TPCN2: variants seen among roughly 807,000 people sequenced by gnomAD.
The protein encoded by TPCN2 is two pore channel protein 2.
In TPCN2, 92 loss-of-function variants were observed where a neutral mutation model predicts 111.4. The observed-to-expected ratio is 0.83, with a 90% CI of 0.70 to 0.98. The LOEUF is 0.98. TPCN2 is among the 50% of genes least tolerant of loss of function. The pLI, the probability that TPCN2 is intolerant of heterozygous loss-of-function variation, is 0.00. For missense variants in TPCN2, 995 were observed against 980.1 expected (o/e 1.02, Z -0.20); for synonymous variants, 405 against 414.5 (o/e 0.98, Z 0.28).
intron 24 of TPCN2, 38 bp downstream of exon 24, chr11:69,087,244 G>T: frequency 6.3e-7 from 1 of 1,592,946 alleles, no homozygotes; most frequent in Admixed American, 1.7e-5. Context: ...CTGGCCCCCT[G>T]GGATGGGAAG....
chr11:69,086,868 G>GT (rs71043499), intron 23 of TPCN2, among the ~76,000 whole-genome samples: 30 of 150,382 alleles, frequency 2.0e-4, no homozygotes, highest in Non-Finnish European at 3.5e-4. Flanking sequence ...CTGGGGCCTT[G>GT]GGGGGTGCTC....
chr11:69,079,501 T>G, intron 16 of TPCN2: 1 of 300,576 alleles, frequency 3.3e-6, no homozygotes, highest in Non-Finnish European at 6.2e-6. Flanking sequence ...CACATGAGAG[T>G]GACGTTTGCT....
intron 7 of TPCN2, among the ~76,000 whole-genome samples, chr11:69,066,114 G>A (rs1346413420): frequency 6.6e-6 from 1 of 152,106 alleles, no homozygotes; most frequent in African/African-American, 2.4e-5. Flanking sequence ...CAGCTGGCTC[G>A]AAGCCTGGCC....
chr11:69,072,521 C>A, intron 11 of TPCN2, 106 bp from the exon 12 acceptor site: 1 of 1,141,992 alleles, frequency 8.8e-7, no homozygotes, highest in Non-Finnish European at 1.3e-6. Context: ...TGCAAAGTGG[C>A]TTCATGGCAA....
chr11:69,054,799 T>G lies in TPCN2; in HGVS notation c.251+2T>G, dbSNP rs1182907011. 6.2e-7 allele frequency: 1 copy of G among 1,613,676 alleles called. No homozygotes were observed. The highest frequency in any genetic ancestry group is 8.5e-7 in the Non-Finnish European group (1 of 1,179,854). ...GTATTACTCGAACGTATGCCAACGGTGAGAACGCACCCATGTGGAACTCAG... is the reference window on the plus strand; with the variant it reads ...GTATTACTCGAACGTATGCCAACGGGGAGAACGCACCCATGTGGAACTCAG... On this transcript the variant is annotated splice_donor_variant, in intron 3 of 24. Coordinates refer to ENST00000294309, the MANE Select transcript of TPCN2 (RefSeq NM_139075.4). LOFTEE classifies it high-confidence loss of function.
rs185874655 is a variant in TPCN2 at position 69,088,172 on chromosome 11, C to T, written c.*219C>T. 132 of 541,146 alleles carry T rather than the reference C, an allele frequency of 2.4e-4. No homozygotes were observed. Among genetic ancestry groups the T allele is most frequent in the African/African-American group, 2.1e-3 (110 of 52,854 alleles). 33.5% of individuals were successfully genotyped at this position (541,146 alleles called of 1,614,324 possible). A position where few individuals can be genotyped will look rare whatever the true frequency, so the allele number is the denominator to read the frequency against. On this transcript the variant is annotated 3_prime_UTR_variant, in exon 25 of 25. Coordinates refer to ENST00000294309, the MANE Select transcript of TPCN2 (RefSeq NM_139075.4). Reference sequence around the variant, plus strand: ...TGCTTCAGGGAGGCGCCGTGCCCTCCGCTTTCTTTTATAGCTGCTTCAGTG... The same window carrying T: ...TGCTTCAGGGAGGCGCCGTGCCCTCTGCTTTCTTTTATAGCTGCTTCAGTG...
intron 18 of TPCN2, 39 bp from the exon 19 acceptor site, chr11:69,083,906 C>G: frequency 3.1e-6 from 5 of 1,596,000 alleles, no homozygotes; most frequent in Non-Finnish European, 4.3e-6. Flanking sequence ...CTCAGTGGGG[C>G]CAGGAGGAGT....
chr11:69,055,499 G>A, intron 4 of TPCN2, 147 bp downstream of exon 4: 1 of 845,298 alleles, frequency 1.2e-6, no homozygotes, highest in Non-Finnish European at 1.8e-6. Context: ...ACACTTTCTT[G>A]GACAAGCAAG....
At chr11:69,057,462 T>G in intron 4 of TPCN2, 116 bp from the exon 5 acceptor site, 9 of 948,770 alleles carry the variant, frequency 9.5e-6, no homozygotes, top group Non-Finnish European at 1.4e-5. Context: ...GACCACACTG[T>G]TGTGGAGGCG....
At chr11:69,085,070 C>T in intron 19 of TPCN2, 140 bp from the exon 20 acceptor site, 2 of 865,714 alleles carry the variant, frequency 2.3e-6, no homozygotes, top group East Asian at 2.6e-5. Context: ...TTTGAAGTAG[C>T]AGCCAGGCTG....
chr11:69,055,194 T>G lies in TPCN2; in HGVS notation c.271T>G (p.Phe91Val), dbSNP rs1854701043. ...TTCCAGGACTTTGAGCTTCACCATC[T>G]TCTTGATCCTGTTTTTGGCTTTTAT... is the stretch of plus-strand genomic sequence containing the variant. ...VCQRTLSFTI[F>V]LILFLAFIET... Residue 91 changes from phenylalanine (F) to valine (V), a missense_variant, in exon 4 of 25, where the codon TTC becomes GTC. Phe to Val is a conservative substitution (Grantham distance 50, BLOSUM62 -1). Coordinates refer to ENST00000294309, the MANE Select transcript of TPCN2 (RefSeq NM_139075.4). 1 of 1,614,046 alleles carries G rather than the reference T, an allele frequency of 6.2e-7. No homozygotes were observed. Among genetic ancestry groups the G allele is most frequent in the South Asian group, 1.1e-5 (1 of 91,082 alleles).
intron 4 of TPCN2, among the ~76,000 whole-genome samples, chr11:69,056,955 A>G (rs1854799684): frequency 6.6e-6 from 1 of 152,048 alleles, no homozygotes; most frequent in South Asian, 2.1e-4. Flanking sequence ...CTCCTGCCTC[A>G]GCCTCCCAAG....
chr11:69,067,606 G>C lies in TPCN2; in HGVS notation c.829+1G>C. ...CTGACCACGGCCAACAACCCCGATGGTGCGTGCAGGGCCAGGGAGGGACCG... is the reference window on the plus strand; with the variant it reads ...CTGACCACGGCCAACAACCCCGATGCTGCGTGCAGGGCCAGGGAGGGACCG... On this transcript the variant is annotated splice_donor_variant, in intron 8 of 24. Coordinates refer to ENST00000294309, the MANE Select transcript of TPCN2 (RefSeq NM_139075.4). LOFTEE classifies it high-confidence loss of function. The C allele has an allele frequency of 6.2e-7, 1 of 1,613,650 alleles. No homozygotes were observed. The highest frequency in any genetic ancestry group is 8.5e-7 in the Non-Finnish European group (1 of 1,179,972).
chr11:69,054,008 C>A (rs1238446871), intron 1 of TPCN2, 25 bp from the exon 2 acceptor site: 3 of 1,608,672 alleles, frequency 1.9e-6, no homozygotes, highest in African/African-American at 2.7e-5. Flanking sequence ...TGCTCGGTCA[C>A]CTGATGTGTC....
At chr11:69,084,138 G>A (rs1402505644) in intron 19 of TPCN2, 122 bp downstream of exon 19, 5 of 964,496 alleles carry the variant, frequency 5.2e-6, no homozygotes, top group East Asian at 2.5e-5. Flanking sequence ...GGGTTCGGAC[G>A]GCAGCAGGTT....
At chr11:69,084,078 C>T (rs369649021) in intron 19 of TPCN2, 62 bp downstream of exon 19, 203 of 1,549,280 alleles carry the variant, frequency 1.3e-4, no homozygotes, top group Non-Finnish European at 1.7e-4. Context: ...GGGAGGCTGG[C>T]GGAAGGCAGT....
rs1189425392 is a variant in TPCN2 at position 69,082,811 on chromosome 11, C to T, written c.1690-1134C>T. 2.7e-5 allele frequency among the ~76,000 whole-genome samples: 3 copies of T among 110,176 alleles called. 1 individual carries two copies. Among genetic ancestry groups the T allele is most frequent in the Admixed American group, 8.6e-5 (1 of 11,684 alleles). The allele number at this position is 110,176 out of a possible 152,430, so 72.3% of individuals were successfully genotyped here. A position where few individuals can be genotyped will look rare whatever the true frequency, so the allele number is the denominator to read the frequency against. On this transcript the variant is annotated intron_variant, in intron 18 of 24. Transcript: ENST00000294309. ...CATGTGAACTCGTGCCCGTGTAAGA[C>T]GCATGATCGTGTGTGCACACATCAC...
At chr11:69,086,878 C>G (rs1454839372) in intron 23 of TPCN2, among the ~76,000 whole-genome samples, 2 of 150,702 alleles carry the variant, frequency 1.3e-5, no homozygotes, top group Non-Finnish European at 2.9e-5. Flanking sequence ...GGGGGGTGCT[C>G]CTGACATCTG....
chr11:69,061,132 G>T (rs958468837), intron 5 of TPCN2, among the ~76,000 whole-genome samples: 1 of 152,220 alleles, frequency 6.6e-6, no homozygotes, highest in Non-Finnish European at 1.5e-5. Flanking sequence ...GACTGCCAGC[G>T]CACAGAAGTG....
Sources: allele counts gnomAD v4.1 joint callset (sites outside exome capture counted in the v4.1 genomes callset), GRCh38; gene constraint gnomAD v4.1.1; transcripts MANE v1.5; gene names NCBI Gene and HGNC (gene_info 2026-07-23, HGNC 2026-07-21).